The following TFEC variants were observed in gnomAD, a reference collection of about 807,000 sequenced individuals.
The protein encoded by TFEC is transcription factor EC.
In TFEC, 31 loss-of-function variants were observed where a neutral mutation model predicts 41.6. That is an observed-to-expected ratio of 0.74 (90% CI 0.56 to 1.01). The LOEUF (loss-of-function observed/expected upper bound fraction) is 1.01. Among genes scored for constraint, TFEC ranks in the 50% least tolerant of loss-of-function variants. The pLI is 0.00. For synonymous variants in TFEC, 143 were observed against 140.6 expected (o/e 1.02, Z -0.12); for missense variants, 402 against 404.1 (o/e 0.99, Z 0.04).
chr7:116,072,656 T>C (rs1402402764), intron 3 of TFEC, among the ~76,000 whole-genome samples: 11 of 151,738 alleles, frequency 7.2e-5, no homozygotes, highest in Admixed American at 7.2e-4. Context: ...TAATGTTGTA[T>C]TGATGTGTAT....
chr7:116,133,344 G>A (rs949826166), intron 1 of TFEC, among the ~76,000 whole-genome samples: 41 of 152,190 alleles, frequency 2.7e-4, no homozygotes, highest in Non-Finnish European at 5.1e-4. Flanking sequence ...GAGGCCAGGA[G>A]TTCGAGACCA....
intron 3 of TFEC, among the ~76,000 whole-genome samples, chr7:116,062,077 C>A (rs1034235610): frequency 7.4e-6 from 1 of 134,910 alleles, no homozygotes; most frequent in East Asian, 2.1e-4. Context: ...TTTTTTTTTT[C>A]TTTGACAGAG....
chr7:115,971,378 A>C (rs890451228), intron 3 of TFEC, among the ~76,000 whole-genome samples: 4 of 152,090 alleles, frequency 2.6e-5, no homozygotes, highest in South Asian at 4.1e-4. Context: ...TAAAGAAAAA[A>C]AAAACCTTAC....
At chr7:116,149,441 T>C (rs1426893534) in intron 1 of TFEC, among the ~76,000 whole-genome samples, 2 of 152,192 alleles carry the variant, frequency 1.3e-5, no homozygotes, top group African/African-American at 4.8e-5. Flanking sequence ...ATAGTCTTAT[T>C]AAGGAAATTT....
chr7:116,082,343 T>C (rs1170025488), intron 3 of TFEC, among the ~76,000 whole-genome samples: 1 of 151,980 alleles, frequency 6.6e-6, no homozygotes, highest in Non-Finnish European at 1.5e-5. Context: ...GAGGACCTTT[T>C]CCTAGATTAA....
intron 3 of TFEC, among the ~76,000 whole-genome samples, chr7:116,044,171 A>G (rs893220384): frequency 2.0e-5 from 3 of 152,226 alleles, no homozygotes; most frequent in African/African-American, 7.2e-5. Context: ...TAAATATAAA[A>G]GTGACTTGCC....
At chr7:115,951,320 G>GC (rs1345643226) in intron 5 of TFEC, among the ~76,000 whole-genome samples, 3 of 151,984 alleles carry the variant, frequency 2.0e-5, no homozygotes, top group African/African-American at 7.2e-5. Context: ...TCGAGGTCGT[G>GC]CAACACTCTT....
At chr7:115,950,987 TGCAC>T in intron 5 of TFEC, 38 bp from the exon 6 acceptor site, 1 of 1,336,196 alleles carries the variant, frequency 7.5e-7, no homozygotes, top group Non-Finnish European at 1.0e-6. Context: ...TTCTCATTAA[TGCAC>T]AGTTCACTTT....
intron 3 of TFEC, among the ~76,000 whole-genome samples, chr7:116,066,952 T>G (rs940134812): frequency 6.6e-6 from 1 of 152,052 alleles, no homozygotes; most frequent in Admixed American, 6.6e-5. Flanking sequence ...AATGAAATAT[T>G]TGGAGTTTAA....
At chr7:116,013,115 T>C (rs191465326) in intron 1 of TFEC, among the ~76,000 whole-genome samples, 54 of 152,220 alleles carry the variant, frequency 3.5e-4, no homozygotes, top group African/African-American at 1.3e-3. Flanking sequence ...GTTTCTTTCC[T>C]AAGTACATTT....
intron 3 of TFEC, among the ~76,000 whole-genome samples, chr7:116,060,253 C>T (rs568533343): frequency 1.3e-5 from 2 of 152,194 alleles, no homozygotes; most frequent in East Asian, 3.9e-4. Flanking sequence ...AACACTCATA[C>T]ACTGTTGGTG....
At chr7:116,061,591 A>G (rs931253859) in intron 3 of TFEC, among the ~76,000 whole-genome samples, 1 of 152,152 alleles carries the variant, frequency 6.6e-6, no homozygotes, top group African/African-American at 2.4e-5. Flanking sequence ...TCCAGAAAAA[A>G]TAAGAATAAA....
At chr7:116,070,194 T>G (rs1295350405) in intron 3 of TFEC, among the ~76,000 whole-genome samples, 2 of 151,348 alleles carry the variant, frequency 1.3e-5, no homozygotes, top group Non-Finnish European at 3.0e-5. Flanking sequence ...ATGCAGCTAT[T>G]TTCAAAATTT....
At chr7:116,086,665 T>TG (rs1291876018) in intron 3 of TFEC, among the ~76,000 whole-genome samples, 2 of 151,828 alleles carry the variant, frequency 1.3e-5, no homozygotes, top group Non-Finnish European at 2.9e-5. Context: ...TATGAATACT[T>TG]GGAGTTGGAT....
intron 3 of TFEC, among the ~76,000 whole-genome samples, chr7:116,096,922 T>A (rs1782530844): frequency 6.6e-6 from 1 of 151,952 alleles, no homozygotes; most frequent in South Asian, 2.1e-4. Context: ...AAACCCCATC[T>A]CTACTAAAAA....
intron 3 of TFEC, among the ~76,000 whole-genome samples, chr7:116,084,925 C>T (rs1181146108): frequency 2.6e-5 from 4 of 151,800 alleles, no homozygotes; most frequent in African/African-American, 7.2e-5. Context: ...CATTTGCTGG[C>T]TGCTGTGACT....
intron 1 of TFEC, among the ~76,000 whole-genome samples, chr7:116,113,082 G>A (rs1476059643): frequency 6.6e-6 from 1 of 151,824 alleles, no homozygotes; most frequent in Non-Finnish European, 1.5e-5. Flanking sequence ...AAAGTCCTTG[G>A]TTCATATTCT....
rs980984647 is a variant in TFEC at position 115,938,633 on chromosome 7, T to C, written c.*1918A>G. The C allele has an allele frequency of 6.6e-6, 1 of 151,928 alleles. No individual in the cohort carries two copies. The highest frequency in any genetic ancestry group is 6.6e-5 in the Admixed American group (1 of 15,212). The allele number at this position is 151,928 out of a possible 1,614,324, so 9.4% of individuals were successfully genotyped here. A position where few individuals can be genotyped will look rare whatever the true frequency, so the allele number is the denominator to read the frequency against. ...CATAATGATTTACTATTTTTCTACT[T>C]TTATCAGCATTAGGGTCTCACATTT... On this transcript the variant is annotated 3_prime_UTR_variant, in exon 8 of 8. Transcript: ENST00000265440.
At chr7:116,117,069 A>T (rs1250586169) in intron 1 of TFEC, among the ~76,000 whole-genome samples, 1 of 151,940 alleles carries the variant, frequency 6.6e-6, no homozygotes, top group Non-Finnish European at 1.5e-5. Context: ...TCCTTGAAAG[A>T]ATCCAACAAA....
Sources: gnomAD v4.1 joint callset for allele counts (sites outside exome capture counted in the v4.1 genomes callset) on GRCh38, gnomAD v4.1.1 for gene constraint, MANE v1.5 for transcripts, NCBI Gene and HGNC (gene_info 2026-07-23, HGNC 2026-07-21) for gene names.